Variants in CCDC180 observed in about 807,000 individuals in gnomAD.
CCDC180 encodes coiled-coil domain containing 180, also known as coiled-coil domain-containing protein 180.
A neutral mutation model predicts 209.2 loss-of-function variants in CCDC180; 154 were observed. The ratio of observed to expected loss-of-function variants is 0.74; its 90% CI spans 0.65 to 0.84. The LOEUF is 0.84. Ranked by LOEUF, CCDC180 falls within the 40% of genes least tolerant of loss-of-function variation. CCDC180 has a pLI of 0.00. For missense variants in CCDC180, 1,874 were observed against 1,997.3 expected (o/e 0.94, Z 1.18); for synonymous variants, 778 against 749.1 (o/e 1.04, Z -0.63).
rs1375499845 is a variant in CCDC180 at position 97,314,946 on chromosome 9, G to A, written c.795G>A (p.Met265Ile). 1.9e-6 allele frequency: 3 copies of A among 1,613,246 alleles called. No homozygotes were observed. The East Asian group carries it at 6.7e-5, about 36-fold the overall frequency. The change falls in exon 8 of 37, where the codon ATG becomes ATA. Residue 265 changes from methionine to isoleucine, a missense_variant and splice_region_variant. Physicochemically the swap from Met to Ile is conservative, Grantham distance 10. Transcript: ENST00000529487. ...ACAGGCTGATAAATGAAGAAGCCAT[G>A]GTGAGTGGTTTTCCTGTGCAGGGAT... ...EVYRLINEEAMVMNYALLGNR... is the reference protein window; with the variant it reads ...EVYRLINEEAIVMNYALLGNR...
intron 5 of CCDC180, 130 bp downstream of exon 5, chr9:97,313,475 T>C (rs1435231934): frequency 1.7e-6 from 1 of 597,106 alleles, no homozygotes; most frequent in Non-Finnish European, 3.0e-6. Context: ...TTAGACGACA[T>C]GGAACCCTCT....
At chr9:97,341,778 C>T (rs1447410813) in intron 18 of CCDC180, among the ~76,000 whole-genome samples, 1 of 152,198 alleles carries the variant, frequency 6.6e-6, no homozygotes, top group Non-Finnish European at 1.5e-5. Flanking sequence ...CTATGCCCTG[C>T]CCCCAGAGGT....
chr9:97,365,805 A>G (rs1826904434), intron 30 of CCDC180, 66 bp downstream of exon 30: 1 of 1,411,352 alleles, frequency 7.1e-7, no homozygotes. Flanking sequence ...CAGTCTGCTG[A>G]TCATGGCCGC....
rs771853410 is a variant in CCDC180 at position 97,375,523 on chromosome 9, G to A, written c.4776G>A (p.Ser1592=). 7.4e-6 allele frequency: 12 copies of A among 1,614,146 alleles called. No homozygotes were observed. In the South Asian group the frequency reaches 7.7e-5, roughly 10 times the overall value. ...AGATTCTTCTCCAGCCAACATCATC[G>A]ATTTCCACCACCAAAACCACCCTGG... ...QNKILLQPTS[S]ISTTKTTLGH... Residue 1592 remains serine, a synonymous_variant, in exon 36 of 37, where the codon TCG becomes TCA. Coordinates refer to ENST00000529487, the MANE Select transcript of CCDC180 (RefSeq NM_020893.6).
chr9:97,353,995 C>CTT (rs33935021), intron 22 of CCDC180, among the ~76,000 whole-genome samples: 23 of 120,156 alleles, frequency 1.9e-4, no homozygotes, highest in Non-Finnish European at 2.4e-4. Flanking sequence ...ATCTGGAATT[C>CTT]TTTTTTTTTT....
chr9:97,362,443 T>C lies in CCDC180; in HGVS notation c.3902+2T>C. The C allele has an allele frequency of 6.2e-7, 1 of 1,612,670 alleles. No individual in the cohort carries two copies. The highest frequency in any genetic ancestry group is 2.2e-5 in the East Asian group (1 of 44,856). ...TGCCAGTGCTACCTCTGCAGGCAGG[T>C]AGGACACAAAGCAGCCAGAATCGCC... On this transcript the variant is annotated splice_donor_variant, in intron 28 of 36. Coordinates refer to ENST00000529487, the MANE Select transcript of CCDC180 (RefSeq NM_020893.6). LOFTEE classifies it high-confidence loss of function.
At chr9:97,309,276 G>A in intron 2 of CCDC180, 138 bp from the exon 3 acceptor site, 1 of 702,976 alleles carries the variant, frequency 1.4e-6, no homozygotes, top group South Asian at 2.1e-5. Flanking sequence ...ATATGACCTG[G>A]GGCTGAAGGC....
chr9:97,348,829 C>A (rs1262225404), intron 20 of CCDC180, among the ~76,000 whole-genome samples: 1 of 152,210 alleles, frequency 6.6e-6, no homozygotes, highest in Non-Finnish European at 1.5e-5. Flanking sequence ...GCCCATCCTG[C>A]CTGCTACTCA....
intron 24 of CCDC180, 122 bp downstream of exon 24, chr9:97,355,130 A>G (rs1826541453): frequency 6.1e-6 from 4 of 661,114 alleles, no homozygotes; most frequent in South Asian, 3.7e-5. Context: ...CTCTCCAGCC[A>G]GGAAGACAGA....
At chr9:97,334,695 T>G (rs10981661) in intron 18 of CCDC180, among the ~76,000 whole-genome samples, 17,016 of 152,178 alleles carry the variant, frequency 0.11, 2,733 homozygotes, top group African/African-American at 0.35. Context: ...TGTCGAGTCA[T>G]AGGGAAACAG....
intron 15 of CCDC180, among the ~76,000 whole-genome samples, chr9:97,327,555 G>A (rs978056266): frequency 6.6e-6 from 1 of 152,102 alleles, no homozygotes; most frequent in Admixed American, 6.5e-5. Context: ...ATTCTGTAAG[G>A]ACTGTTCACA....
At chr9:97,326,022 G>A (rs909372774) in intron 14 of CCDC180, among the ~76,000 whole-genome samples, 1 of 152,204 alleles carries the variant, frequency 6.6e-6, no homozygotes, top group African/African-American at 2.4e-5. Context: ...GAAAGAAAAA[G>A]GGGAAGACAC....
intron 32 of CCDC180, among the ~76,000 whole-genome samples, 162 bp from the exon 33 acceptor site, chr9:97,370,479 C>G (rs964485267): frequency 6.6e-6 from 1 of 151,862 alleles, no homozygotes; most frequent in African/African-American, 2.4e-5. Flanking sequence ...TCTAGCCATG[C>G]CCCCCTCTTA....
Position 97,374,777 on chromosome 9 carries a change from G to A in CCDC180, c.4706+129G>A, listed in dbSNP as rs1827198617. On this transcript the variant is annotated intron_variant, in intron 35 of 36. Transcript: ENST00000529487. ...GAAAGGCATTGTGTTCTGAGCCTTA[G>A]TTTCCTCATCTATGAAATGAGCATG... 1.9e-5 allele frequency: 13 copies of A among 685,076 alleles called. No individual in the cohort carries two copies. In the South Asian group the frequency reaches 2.5e-4, roughly 13 times the overall value. The allele number at this position is 685,076 out of a possible 1,614,324, so 42.4% of individuals were successfully genotyped here. A position where few individuals can be genotyped will look rare whatever the true frequency, so the allele number is the denominator to read the frequency against.
At chr9:97,360,902 G>A (rs1826734215) in intron 26 of CCDC180, among the ~76,000 whole-genome samples, 1 of 152,194 alleles carries the variant, frequency 6.6e-6, no homozygotes, top group South Asian at 2.1e-4. Context: ...GACAGCCAAT[G>A]TCTGCAGAGT....
chr9:97,370,407 C>G (rs904367420), intron 32 of CCDC180, among the ~76,000 whole-genome samples: 1 of 152,148 alleles, frequency 6.6e-6, no homozygotes, highest in African/African-American at 2.4e-5. Flanking sequence ...TTTCACTGGA[C>G]TAAAACTCTG....
chr9:97,327,023 G>A (rs1391468250), intron 15 of CCDC180, among the ~76,000 whole-genome samples: 1 of 152,118 alleles, frequency 6.6e-6, no homozygotes, highest in Non-Finnish European at 1.5e-5. Flanking sequence ...ACAAGAATTA[G>A]CCAGATGTGG....
chr9:97,370,854 G>A (rs1261907964), intron 33 of CCDC180, 76 bp downstream of exon 33: 1 of 1,495,814 alleles, frequency 6.7e-7, no homozygotes, highest in Non-Finnish European at 9.1e-7. Context: ...ACAGTGCCAG[G>A]TGCAGCCCTT....
At chr9:97,332,091 G>A (rs1047767073) in intron 18 of CCDC180, among the ~76,000 whole-genome samples, 2 of 152,026 alleles carry the variant, frequency 1.3e-5, no homozygotes, top group Non-Finnish European at 2.9e-5. Context: ...ATAAGGTAGG[G>A]GTCCAGTTTC....
Sources: allele counts gnomAD v4.1 joint callset (sites outside exome capture counted in the v4.1 genomes callset), GRCh38; gene constraint gnomAD v4.1.1; transcripts MANE v1.5; gene names NCBI Gene and HGNC (gene_info 2026-07-23, HGNC 2026-07-21).